The following GLG1 variants were observed in gnomAD, a reference collection of about 807,000 sequenced individuals.
GLG1 encodes Golgi apparatus protein 1.
GLG1 carries 38 observed loss-of-function variants against 160.5 expected under a neutral mutation model. The ratio of observed to expected loss-of-function variants is 0.24; its 90% CI spans 0.18 to 0.31. The LOEUF is 0.31. Ranked by LOEUF, GLG1 falls within the 10% of genes least tolerant of loss-of-function variation. The probability of loss-of-function intolerance (pLI) is 1.00; values close to 1 mark genes in which losing one functional copy is unlikely to be tolerated. For synonymous variants in GLG1, 644 were observed against 543.4 expected (o/e 1.19, Z -2.57); for missense variants, 1,373 against 1,505.2 (o/e 0.91, Z 1.45).
rs888265455 is a variant in GLG1, at chr16:74,467,959, A to G, written c.2437-111T>C. The G allele has an allele frequency of 1.7e-5, 11 of 647,200 alleles. No homozygotes were observed. The Admixed American group carries it at 2.4e-4, about 14-fold the overall frequency. The allele number at this position is 647,200 out of a possible 1,614,324, so 40.1% of individuals were successfully genotyped here. A position where few individuals can be genotyped will look rare whatever the true frequency, so the allele number is the denominator to read the frequency against. On this transcript the variant is annotated intron_variant, in intron 17 of 25. Transcript: ENST00000422840. ...CTTGTCTAGTGACCCTGGCTTCTAC[A>G]TAGCAAAGTCGCCTTGCAGCAAGAG...
chr16:74,456,581 C>T, intron 25 of GLG1, 68 bp downstream of exon 25: 1 of 936,694 alleles, frequency 1.1e-6, no homozygotes, highest in Non-Finnish European at 1.7e-6. Flanking sequence ...TCAAGGATGA[C>T]ATGCAAATTG....
At chr16:74,477,665 T>A (rs2015434070) in intron 11 of GLG1, 132 bp from the exon 12 acceptor site, 1 of 663,520 alleles carries the variant, frequency 1.5e-6, no homozygotes, top group South Asian at 1.9e-5. Flanking sequence ...ACCTCAAATA[T>A]CTTCCAGAAT....
In GLG1 at chr16:74,450,194, T is replaced by A. The variant is rs952348623; in HGVS notation, c.*2973A>T. 1 of 152,256 alleles carries A rather than the reference T, an allele frequency of 6.6e-6. No individual in the cohort carries two copies. The highest frequency in any genetic ancestry group is 2.4e-5 in the African/African-American group (1 of 41,460). 9.4% of individuals were successfully genotyped at this position (152,256 alleles called of 1,614,324 possible). ...ACCCCCTACCCTCTACTTCTATTACTGTTGGTGGGCTACACATCAGGAGAG... is the reference window on the plus strand; with the variant it reads ...ACCCCCTACCCTCTACTTCTATTACAGTTGGTGGGCTACACATCAGGAGAG... On this transcript the variant is annotated 3_prime_UTR_variant, in exon 26 of 26. Transcript: ENST00000422840.
At chr16:74,455,489 G>A (rs1277971768) in intron 25 of GLG1, among the ~76,000 whole-genome samples, 1 of 152,210 alleles carries the variant, frequency 6.6e-6, no homozygotes, top group Non-Finnish European at 1.5e-5. Context: ...CCGCTTCCCT[G>A]AGCCACCGGC....
At chr16:74,557,124 TTG>T (rs2018375360) in intron 1 of GLG1, among the ~76,000 whole-genome samples, 1 of 152,162 alleles carries the variant, frequency 6.6e-6, no homozygotes, top group African/African-American at 2.4e-5. Flanking sequence ...AGCAAAAAGT[TTG>T]TGGTTATTAC....
Position 74,447,794 on chromosome 16 carries a change from G to C in GLG1, c.*5373C>G, listed in dbSNP as rs1021746580. On this transcript the variant is annotated 3_prime_UTR_variant, in exon 26 of 26. Transcript: ENST00000422840. ...CCGGCTTTCCGGAGGTCTCTGCCCA[G>C]TGCACTGCAGGGGGACCTGGAGGGC... 1 of 152,338 alleles carries C rather than the reference G, an allele frequency of 6.6e-6. No homozygotes were observed. Among genetic ancestry groups the C allele is most frequent in the African/African-American group, 2.4e-5 (1 of 41,478 alleles). The allele number at this position is 152,338 out of a possible 1,614,324, so 9.4% of individuals were successfully genotyped here.
At chr16:74,583,276 C>T (rs151198348) in intron 1 of GLG1, among the ~76,000 whole-genome samples, 1 of 152,162 alleles carries the variant, frequency 6.6e-6, no homozygotes, top group Non-Finnish European at 1.5e-5. Context: ...AGAGTTAGTT[C>T]CAAGTTTATA....
At chr16:74,461,977 T>C (rs969547617) in intron 22 of GLG1, 117 bp downstream of exon 22, 2 of 625,752 alleles carry the variant, frequency 3.2e-6, no homozygotes, top group Admixed American at 5.5e-5. Context: ...GCCTAGAAGA[T>C]GGCCTTCAAT....
chr16:74,597,808 C>G (rs1044258532), intron 1 of GLG1, among the ~76,000 whole-genome samples: 1 of 149,352 alleles, frequency 6.7e-6, no homozygotes, highest in African/African-American at 2.5e-5. Context: ...GAGCTGAGAT[C>G]GCACCACTGC....
chr16:74,540,625 T>C (rs1003240863), intron 1 of GLG1, among the ~76,000 whole-genome samples: 32 of 151,574 alleles, frequency 2.1e-4, no homozygotes, highest in Non-Finnish European at 3.8e-4. Flanking sequence ...GTCTACTATC[T>C]GAAAATTTTT....
intron 1 of GLG1, among the ~76,000 whole-genome samples, chr16:74,533,966 T>C (rs1258833176): frequency 1.3e-5 from 2 of 152,128 alleles, no homozygotes; most frequent in Admixed American, 6.5e-5. Context: ...ACACATCAAG[T>C]AGCCACACCT....
Position 74,553,941 on chromosome 16 carries a change from T to C in GLG1, c.439-21788A>G, listed in dbSNP as rs558000477. On this transcript the variant is annotated intron_variant, in intron 1 of 25. Transcript: ENST00000422840. ...TTTAATAGAAGTAGCTATCTGACAATAGCACAACTCACATATGCAAAAATA... is the reference window on the plus strand; with the variant it reads ...TTTAATAGAAGTAGCTATCTGACAACAGCACAACTCACATATGCAAAAATA... 2.4e-3 allele frequency among the ~76,000 whole-genome samples: 363 copies of C among 152,328 alleles called. 4 individuals carry two copies. The highest frequency in any genetic ancestry group is 8.4e-3 in the African/African-American group (348 of 41,574).
chr16:74,462,393 G>C, intron 21 of GLG1, 95 bp downstream of exon 21: 1 of 1,218,948 alleles, frequency 8.2e-7, no homozygotes, highest in Non-Finnish European at 1.2e-6. Flanking sequence ...AAAGGTCTTG[G>C]GAAAACGGGA....
chr16:74,523,136 T>C (rs999942429), intron 2 of GLG1, among the ~76,000 whole-genome samples: 9 of 152,350 alleles, frequency 5.9e-5, no homozygotes, highest in African/African-American at 1.9e-4. Context: ...CAAGAGATAC[T>C]TTAAAAGAGG....
At chr16:74,463,045 C>T (rs777655847) in intron 20 of GLG1, 5 of 441,710 alleles carry the variant, frequency 1.1e-5, no homozygotes, top group South Asian at 7.1e-5. Context: ...TCAGATTACC[C>T]GTACATTCTC....
chr16:74,503,524 T>TA lies in GLG1; in HGVS notation c.774+6dup. On this transcript the variant is annotated splice_region_variant and intron_variant, in intron 4 of 25. Coordinates refer to ENST00000422840, the MANE Select transcript of GLG1 (RefSeq NM_001145667.2). ...CCCTTTGTTGAAGCTAACGTAGTAT[T>TA]AGATACCTTTTCTCCAAGCCGAATA... 6.3e-7 allele frequency: 1 copy of TA among 1,577,270 alleles called. No individual in the cohort carries two copies. The highest frequency in any genetic ancestry group is 8.7e-7 in the Non-Finnish European group (1 of 1,146,382).
At chr16:74,593,483 G>A (rs1347147602) in intron 1 of GLG1, among the ~76,000 whole-genome samples, 3 of 147,008 alleles carry the variant, frequency 2.0e-5, no homozygotes, top group Non-Finnish European at 3.0e-5. Context: ...CACCCAGGCT[G>A]GAGTGCAATA....
At chr16:74,554,483 G>A (rs189948697) in intron 1 of GLG1, among the ~76,000 whole-genome samples, 27 of 152,308 alleles carry the variant, frequency 1.8e-4, no homozygotes, top group African/African-American at 5.8e-4. Context: ...GCAGTGAGCA[G>A]ATTGCATCAC....
intron 1 of GLG1, chr16:74,563,162 T>G (rs2018554337): frequency 6.6e-6 from 1 of 152,212 alleles, no homozygotes; most frequent in African/African-American, 2.4e-5. Flanking sequence ...GGTCTTATGG[T>G]GCACCAATGG....
Sources: allele counts gnomAD v4.1 joint callset (sites outside exome capture counted in the v4.1 genomes callset), GRCh38; gene constraint gnomAD v4.1.1; transcripts MANE v1.5; gene names NCBI Gene and HGNC (gene_info 2026-07-23, HGNC 2026-07-21).